RGS6: variants seen among roughly 807,000 people sequenced by gnomAD.
RGS6 encodes the protein regulator of G protein signaling 6, also known as regulator of G-protein signaling 6.
A neutral mutation model predicts 78.5 loss-of-function variants in RGS6; 30 were observed. The observed-to-expected ratio is 0.38, with a 90% CI of 0.29 to 0.52. RGS6 has a LOEUF of 0.52. RGS6 is among the 20% of genes least tolerant of loss of function. The pLI, the probability that RGS6 is intolerant of heterozygous loss-of-function variation, is 0.85. For missense variants in RGS6, 495 were observed against 609.7 expected (o/e 0.81, Z 1.98); for synonymous variants, 206 against 206.0 (o/e 1.00, Z 0.00).
intron 2 of RGS6, among the ~76,000 whole-genome samples, chr14:72,349,386 CT>C (rs2078692846): frequency 6.6e-6 from 1 of 152,100 alleles, no homozygotes; most frequent in Non-Finnish European, 1.5e-5. Context: ...TAGCAAGTCC[CT>C]GTTCATATCA....
At chr14:72,147,309 T>C (rs2096618776) in intron 2 of RGS6, among the ~76,000 whole-genome samples, 1 of 152,236 alleles carries the variant, frequency 6.6e-6, no homozygotes, top group African/African-American at 2.4e-5. Flanking sequence ...GATACCAATT[T>C]TTTGTCTTAG....
At chr14:72,052,923 A>T (rs549786008) in intron 2 of RGS6, among the ~76,000 whole-genome samples, 18 of 136,174 alleles carry the variant, frequency 1.3e-4, no homozygotes, top group Non-Finnish European at 1.8e-4. Flanking sequence ...GTTTCATTGT[A>T]TTTTTCTTTC....
At chr14:72,265,625 T>A (rs910286622) in intron 2 of RGS6, among the ~76,000 whole-genome samples, 6 of 152,156 alleles carry the variant, frequency 3.9e-5, no homozygotes, top group Non-Finnish European at 7.4e-5. Context: ...GGCTACCCAA[T>A]GGCCACAAGG....
At chr14:72,448,190 T>TGTAA (rs1264025566) in intron 3 of RGS6, among the ~76,000 whole-genome samples, 4 of 152,228 alleles carry the variant, frequency 2.6e-5, no homozygotes, top group Admixed American at 2.6e-4. Flanking sequence ...TCCCACCGTT[T>TGTAA]GTAAGTGATG....
In RGS6 at chr14:72,523,002, G is replaced by A. The variant is rs574535661; in HGVS notation, c.1278+4465G>A. ...TTTCTACATGAGGATTGAGTGTTGC[G>A]GAGCAGAGGTCAGCAGGTGCCAAGA... On this transcript the variant is annotated intron_variant, in intron 15 of 17. Coordinates refer to ENST00000553525, the MANE Select transcript of RGS6 (RefSeq NM_001204424.2). 2.0e-4 allele frequency among the ~76,000 whole-genome samples: 30 copies of A among 152,326 alleles called. No homozygotes were observed. In the South Asian group the frequency reaches 3.3e-3, roughly 17 times the overall value.
chr14:71,973,930 G>A (rs1435042748), intron 2 of RGS6, among the ~76,000 whole-genome samples: 5 of 152,186 alleles, frequency 3.3e-5, no homozygotes, highest in Non-Finnish European at 5.9e-5. Context: ...AGATGAAAGG[G>A]ATGGTATTTT....
chr14:72,568,148 T>C (rs999020997), downstream of RGS6, among the ~76,000 whole-genome samples: 2 of 152,182 alleles, frequency 1.3e-5, no homozygotes, highest in African/African-American at 2.4e-5. Context: ...TGGCCAGGTC[T>C]GGCTTATTTC....
chr14:72,250,011 A>G (rs965311770), intron 2 of RGS6, among the ~76,000 whole-genome samples: 2 of 145,980 alleles, frequency 1.4e-5, no homozygotes, highest in South Asian at 4.4e-4. Flanking sequence ...AACACCGCAT[A>G]TTCTCACTCA....
chr14:72,110,990 G>A (rs2095748344), intron 2 of RGS6, among the ~76,000 whole-genome samples: 1 of 152,062 alleles, frequency 6.6e-6, no homozygotes, highest in Non-Finnish European at 1.5e-5. Context: ...TCTTTTGTGA[G>A]GTTACTTTCC....
At chr14:72,600,116 C>T in the RGS6 span, among the ~76,000 whole-genome samples, 3 of 152,212 alleles carry the variant, frequency 2.0e-5, no homozygotes, top group African/African-American at 7.2e-5. Context: ...CTTTCTTTCC[C>T]CTGCCACACA....
At chr14:72,021,125 G>A (rs2088366321) in intron 2 of RGS6, among the ~76,000 whole-genome samples, 1 of 152,186 alleles carries the variant, frequency 6.6e-6, no homozygotes, top group Non-Finnish European at 1.5e-5. Flanking sequence ...CAGGCTCTAG[G>A]TCTGAACCCT....
At chr14:71,902,411 G>A in the RGS6 span, among the ~76,000 whole-genome samples, 4 of 152,096 alleles carry the variant, frequency 2.6e-5, no homozygotes, top group Non-Finnish European at 5.9e-5. Flanking sequence ...CGGGTACCAT[G>A]GGTAGCAAGC....
chr14:72,315,295 T>C (rs1323221576), intron 2 of RGS6, among the ~76,000 whole-genome samples: 2 of 152,240 alleles, frequency 1.3e-5, no homozygotes, highest in Non-Finnish European at 2.9e-5. Flanking sequence ...AATATGTTTC[T>C]GTTAGAGATA....
intron 2 of RGS6, among the ~76,000 whole-genome samples, chr14:72,091,649 C>G (rs375088246): frequency 1.3e-5 from 2 of 152,172 alleles, no homozygotes; most frequent in African/African-American, 4.8e-5. Flanking sequence ...GGTTTGGCTG[C>G]ACATCACTAT....
chr14:72,614,102 T>C, the RGS6 span, among the ~76,000 whole-genome samples: 13 of 152,158 alleles, frequency 8.5e-5, no homozygotes, highest in Non-Finnish European at 1.6e-4. Context: ...ATCTGTCCCA[T>C]TGTTTCCACA....
intron 2 of RGS6, among the ~76,000 whole-genome samples, chr14:72,336,899 C>T (rs1483871517): frequency 6.6e-6 from 1 of 152,080 alleles, no homozygotes; most frequent in Non-Finnish European, 1.5e-5. Flanking sequence ...CTGTGTGTGC[C>T]TGTCTGTGTC....
chr14:72,462,328 A>G (rs1203324197), intron 6 of RGS6, among the ~76,000 whole-genome samples: 2 of 152,166 alleles, frequency 1.3e-5, no homozygotes, highest in African/African-American at 2.4e-5. Flanking sequence ...GCAGGTTTAT[A>G]AAAAGGCCTT....
At chr14:72,266,222 GA>G (rs2059051507) in intron 2 of RGS6, among the ~76,000 whole-genome samples, 1 of 152,196 alleles carries the variant, frequency 6.6e-6, no homozygotes, top group South Asian at 2.1e-4. Context: ...GCCTTGGTGG[GA>G]TGGCTGGAAG....
chr14:72,035,372 C>CTT (rs2091541686), intron 2 of RGS6, among the ~76,000 whole-genome samples: 1 of 151,844 alleles, frequency 6.6e-6, no homozygotes. Flanking sequence ...TTATTTGAAT[C>CTT]CTCTATATTT....
Sources: gnomAD v4.1 joint callset for allele counts (sites outside exome capture counted in the v4.1 genomes callset) on GRCh38, gnomAD v4.1.1 for gene constraint, MANE v1.5 for transcripts, NCBI Gene and HGNC (gene_info 2026-07-23, HGNC 2026-07-21) for gene names.